The following MAEL variants were observed in gnomAD, a reference collection of about 807,000 sequenced individuals.
MAEL encodes maelstrom spermatogenic transposon silencer, also known as protein maelstrom homolog.
MAEL carries 46 observed loss-of-function variants against 62.0 expected under a neutral mutation model. The ratio of observed to expected loss-of-function variants is 0.74; its 90% CI spans 0.59 to 0.95. The LOEUF is 0.95. MAEL is among the 40% of genes least tolerant of loss of function. The pLI is 0.00. For missense variants in MAEL, 497 were observed against 526.8 expected, an observed-to-expected ratio of 0.94 and a Z score of 0.55; for synonymous variants, 172 against 175.5, an observed-to-expected ratio of 0.98 and a Z score of 0.16.
At chr1:166,992,001 GAAT>G (rs1664195330) in intron 3 of MAEL, among the ~76,000 whole-genome samples, 1 of 152,056 alleles carries the variant, frequency 6.6e-6, no homozygotes. Context: ...TGTCAATTAA[GAAT>G]AAAATATTTA....
At chr1:166,997,633 T>C (rs1664486322) in intron 5 of MAEL, among the ~76,000 whole-genome samples, 1 of 152,206 alleles carries the variant, frequency 6.6e-6, no homozygotes, top group Admixed American at 6.5e-5. Context: ...CTTGAATTCC[T>C]GGGCTTAAGT....
intron 5 of MAEL, among the ~76,000 whole-genome samples, chr1:166,995,921 CA>C (rs1193824511): frequency 6.6e-6 from 1 of 152,118 alleles, no homozygotes; most frequent in East Asian, 1.9e-4. Flanking sequence ...ATCAGATTAA[CA>C]GAAAGCATGG....
At chr1:166,995,273 T>C (rs1287462272) in intron 5 of MAEL, among the ~76,000 whole-genome samples, 1 of 151,828 alleles carries the variant, frequency 6.6e-6, no homozygotes, top group Non-Finnish European at 1.5e-5. Flanking sequence ...AGATTTATGC[T>C]CTTGTTACCC....
At chr1:166,992,613 C>T in intron 3 of MAEL, 73 bp from the exon 4 acceptor site, 1 of 1,152,240 alleles carries the variant, frequency 8.7e-7, no homozygotes, top group East Asian at 2.6e-5. Context: ...TTCCCTTCAA[C>T]TAAAGAGGCT....
At chr1:166,986,168 G>C (rs6699520), upstream of MAEL, among the ~76,000 whole-genome samples, 39,793 of 151,994 alleles carry the variant, frequency 0.26, 5,584 homozygotes, top group African/African-American at 0.37. Context: ...AAAAAATGAA[G>C]AGAGCATCAG....
intron 8 of MAEL, among the ~76,000 whole-genome samples, chr1:167,011,041 C>T (rs1436929648): frequency 6.6e-6 from 1 of 152,028 alleles, no homozygotes; most frequent in African/African-American, 2.4e-5. Context: ...GCCCTTCCCC[C>T]TTCCTCTTTC....
At chr1:166,991,107 C>G (rs1664153330) in intron 2 of MAEL, among the ~76,000 whole-genome samples, 1 of 152,142 alleles carries the variant, frequency 6.6e-6, no homozygotes, top group African/African-American at 2.4e-5. Flanking sequence ...GTAGGTGGCT[C>G]AGGATGATTA....
chr1:166,991,662 G>T (rs182852626), intron 3 of MAEL, among the ~76,000 whole-genome samples, 185 bp downstream of exon 3: 59 of 148,546 alleles, frequency 4.0e-4, no homozygotes, highest in Admixed American at 3.8e-3. Flanking sequence ...TAGGAGAGTG[G>T]TTTTTTTTTT....
intron 1 of MAEL, among the ~76,000 whole-genome samples, chr1:166,981,218 C>T (rs1663749778): frequency 6.6e-6 from 1 of 152,158 alleles, no homozygotes. Context: ...GTACTCCTTC[C>T]CCAATTCTGA....
intron 10 of MAEL, 133 bp downstream of exon 10, chr1:167,018,092 A>G (rs567617918): frequency 2.6e-6 from 2 of 756,364 alleles, no homozygotes; most frequent in African/African-American, 3.5e-5. Flanking sequence ...GAAGTACTTC[A>G]TGGAATGTCA....
At chr1:166,993,677 T>C (rs1303629147) in intron 4 of MAEL, among the ~76,000 whole-genome samples, 3 of 152,140 alleles carry the variant, frequency 2.0e-5, no homozygotes, top group Non-Finnish European at 2.9e-5. Context: ...GGGGACTGTT[T>C]TTCCTCTGAG....
At chr1:166,979,063 TTATAAA>T (rs1489028936) in intron 1 of MAEL, among the ~76,000 whole-genome samples, 3 of 152,192 alleles carry the variant, frequency 2.0e-5, no homozygotes, top group Non-Finnish European at 2.9e-5. Context: ...AACCACATAG[TTATAAA>T]TATAATGTAG....
chr1:167,005,231 G>T, intron 7 of MAEL, 25 bp from the exon 8 acceptor site: 1 of 1,611,794 alleles, frequency 6.2e-7, no homozygotes, highest in Non-Finnish European at 8.5e-7. Flanking sequence ...CTAATTGTAT[G>T]TGTTTTTCCA....
chr1:167,005,175 A>T (rs960593283), intron 7 of MAEL, 45 bp downstream of exon 7: 2 of 1,611,448 alleles, frequency 1.2e-6, no homozygotes, highest in African/African-American at 2.7e-5. Context: ...TATAGTTAAT[A>T]TCTGTATTTG....
chr1:166,992,832 A>G lies in MAEL; in HGVS notation c.472A>G (p.Ile158Val), dbSNP rs1224026819. The change falls in exon 4 of 12, where the codon ATA (isoleucine) becomes GTA (valine). Residue 158 changes from isoleucine (I) to valine (V), a missense_variant. By Grantham distance (29) the Ile-to-Val change is conservative. Coordinates refer to ENST00000367872, the MANE Select transcript of MAEL (RefSeq NM_032858.3). ...TATTATGGCAGATTTCCACAGTTTT[A>G]TAAATCCTGGTAAGTAGTCAGAGTA... ...EGIMADFHSF[I>V]NPGEIPRGFR... The G allele has an allele frequency of 1.3e-6, 2 of 1,593,802 alleles. No individual in the cohort carries two copies. The highest frequency in any genetic ancestry group is 2.7e-5 in the African/African-American group (2 of 73,398).
At chr1:167,020,785 CA>C (rs1665592145) in intron 10 of MAEL, among the ~76,000 whole-genome samples, 1 of 152,020 alleles carries the variant, frequency 6.6e-6, no homozygotes, top group Admixed American at 6.6e-5. Context: ...GACATGGCTT[CA>C]GTAATTTTCC....
At chr1:166,992,558 A>T in intron 3 of MAEL, 128 bp from the exon 4 acceptor site, 2 of 599,608 alleles carry the variant, frequency 3.3e-6, no homozygotes, top group Non-Finnish European at 5.5e-6. Context: ...TTTCCAGCTC[A>T]TTTAGGAATA....
chr1:167,021,167 A>C lies in MAEL; in HGVS notation c.1117+7A>C, dbSNP rs910961590. On this transcript the variant is annotated splice_region_variant and intron_variant, in intron 11 of 11. Transcript: ENST00000367872. ...AGATCAAACACACCCATTGGTAAGC[A>C]ACTTATATTTTACAAAAATGCACCT... 5 of 1,603,752 alleles carry C rather than the reference A, an allele frequency of 3.1e-6. No homozygotes were observed. In the African/African-American group the frequency reaches 6.7e-5, roughly 21 times the overall value.
chr1:167,014,314 T>C (rs988302638), intron 8 of MAEL, among the ~76,000 whole-genome samples: 1 of 152,258 alleles, frequency 6.6e-6, no homozygotes, highest in African/African-American at 2.4e-5. Flanking sequence ...TGCAGTTTTA[T>C]ACTTTATCAC....
Sources: gnomAD v4.1 joint callset for allele counts (sites outside exome capture counted in the v4.1 genomes callset) on GRCh38, gnomAD v4.1.1 for gene constraint, MANE v1.5 for transcripts, NCBI Gene and HGNC (gene_info 2026-07-23, HGNC 2026-07-21) for gene names.